BTBD8: variants seen among roughly 807,000 people sequenced by gnomAD.
BTBD8 encodes BTB/POZ domain-containing protein 8.
In BTBD8, 110 loss-of-function variants were observed where a neutral mutation model predicts 162.9. The ratio of observed to expected loss-of-function variants is 0.68; its 90% confidence interval spans 0.58 to 0.79. The LOEUF (loss-of-function observed/expected upper bound fraction) is 0.79. BTBD8 is among the 30% of genes least tolerant of loss of function. The pLI, the probability that BTBD8 is intolerant of heterozygous loss-of-function variation, is 0.00. For synonymous variants in BTBD8, 667 were observed against 716.1 expected (o/e 0.93, Z 1.10); for missense variants, 1,905 against 2,085.4 (o/e 0.91, Z 1.68).
rs577414488 is a variant in BTBD8 at position 92,107,534 on chromosome 1, C to G, written c.545-350C>G. Reference sequence around the variant, plus strand: ...GGAACAATAGGCTATACCATATAGCCTATGTGTGTAATAGGCTATATCATC... The same window carrying G: ...GGAACAATAGGCTATACCATATAGCGTATGTGTGTAATAGGCTATATCATC... On this transcript the variant is annotated intron_variant, in intron 3 of 17. Coordinates refer to ENST00000636805, the MANE Select transcript of BTBD8 (RefSeq NM_001376131.1). Among the ~76,000 whole-genome samples the G allele has an allele frequency of 6.6e-5, 10 of 152,258 alleles. No homozygotes were observed. In the South Asian group the frequency reaches 2.1e-3, roughly 32 times the overall value.
chr1:92,092,730 A>G (rs1409555908), intron 2 of BTBD8, among the ~76,000 whole-genome samples: 2 of 152,134 alleles, frequency 1.3e-5, no homozygotes, highest in Non-Finnish European at 2.9e-5. Flanking sequence ...TTTGACTTTC[A>G]TGAGAAGTCA....
intron 1 of BTBD8, among the ~76,000 whole-genome samples, chr1:92,082,791 G>A (rs12071093): frequency 0.077 from 11,745 of 152,128 alleles, 1,298 homozygotes; most frequent in African/African-American, 0.25. Flanking sequence ...TTGGGATATG[G>A]TAACAGTCAT....
At chr1:92,087,164 T>C (rs544983046) in intron 1 of BTBD8, among the ~76,000 whole-genome samples, 2 of 152,326 alleles carry the variant, frequency 1.3e-5, no homozygotes, top group South Asian at 4.1e-4. Context: ...AAACACTGTA[T>C]TTTCACATTA....
chr1:92,127,183 T>G (rs1557449060), intron 4 of BTBD8, among the ~76,000 whole-genome samples: 1 of 152,232 alleles, frequency 6.6e-6, no homozygotes, highest in South Asian at 2.1e-4. Flanking sequence ...AACCAAATCA[T>G]AGACTGCGAA....
In BTBD8 at chr1:92,183,944, G is replaced by A. The variant is rs369463469; in HGVS notation, c.4993G>A (p.Glu1665Lys). Residue 1665 changes from glutamate (E) to lysine (K), a missense_variant, in exon 18 of 18, where the codon GAG becomes AAG. Coordinates refer to ENST00000636805, the MANE Select transcript of BTBD8 (RefSeq NM_001376131.1). ...RPSKTLSPIY[E>K]MDVIEAFEQK... ...TTCAAAAACCCTGTCTCCAATATAT[G>A]AGATGGATGTAATAGAAGCATTTGA... 1.4e-4 allele frequency: 215 copies of A among 1,551,560 alleles called. 1 individual carries two copies. The African/African-American group carries it at 2.8e-3, about 20-fold the overall frequency.
At chr1:92,178,494 G>T (rs763447054) in intron 16 of BTBD8, 43 bp downstream of exon 16, 7 of 1,475,444 alleles carry the variant, frequency 4.7e-6, no homozygotes, top group Non-Finnish European at 6.4e-6. Context: ...TTATTTCCTT[G>T]TGTAAACTGG....
chr1:92,081,726 A>G (rs771302062), intron 1 of BTBD8, among the ~76,000 whole-genome samples: 4 of 152,178 alleles, frequency 2.6e-5, no homozygotes, highest in African/African-American at 4.8e-5. Flanking sequence ...GGCACGCGCC[A>G]CCACGCCCGG....
rs186411535 is a variant in BTBD8 at position 92,155,466 on chromosome 1, G to T, written c.1122+7680G>T. Among the ~76,000 whole-genome samples, 158 of 152,062 alleles carry T rather than the reference G, an allele frequency of 1.0e-3. 2 individuals carry two copies. The highest frequency in any genetic ancestry group is 1.8e-3 in the Non-Finnish European group (125 of 67,990). On this transcript the variant is annotated intron_variant, in intron 9 of 17. Transcript: ENST00000636805. ...TCTAGCTGTTTATTTATGAGACAGG[G>T]TCTTGCTCTGTTGCCCAGGCTGGAA... is the stretch of plus-strand genomic sequence containing the variant.
At chr1:92,122,479 G>T (rs967461383) in intron 4 of BTBD8, among the ~76,000 whole-genome samples, 5 of 152,054 alleles carry the variant, frequency 3.3e-5, no homozygotes, top group Non-Finnish European at 5.9e-5. Flanking sequence ...GGATGGTCTT[G>T]ATCTCTTGAC....
intron 4 of BTBD8, among the ~76,000 whole-genome samples, chr1:92,108,670 G>GA (rs769224401): frequency 6.6e-6 from 1 of 152,254 alleles, no homozygotes; most frequent in East Asian, 1.9e-4. Context: ...CTTAAAAGCA[G>GA]AAAAAAATTT....
intron 9 of BTBD8, among the ~76,000 whole-genome samples, chr1:92,148,553 GCTGTAAATCA>G (rs1649979234): frequency 6.6e-6 from 1 of 152,336 alleles, no homozygotes; most frequent in African/African-American, 2.4e-5. Context: ...TGCAATACAT[GCTGTAAATCA>G]GATTTTGATT....
At chr1:92,095,112 A>T (rs962667568) in intron 2 of BTBD8, among the ~76,000 whole-genome samples, 2 of 152,170 alleles carry the variant, frequency 1.3e-5, no homozygotes, top group African/African-American at 4.8e-5. Context: ...GAACCAGCCA[A>T]TCCTAAGTAC....
intron 3 of BTBD8, among the ~76,000 whole-genome samples, chr1:92,105,791 A>G (rs1229796438): frequency 1.3e-5 from 2 of 152,262 alleles, no homozygotes; most frequent in Admixed American, 6.5e-5. Context: ...ACTCTGCTCT[A>G]CAACTGGCCA....
In BTBD8 at chr1:92,184,425, C is replaced by A; in HGVS notation, c.*95C>A. 1.3e-6 allele frequency: 1 copy of A among 742,206 alleles called. No homozygotes were observed. The highest frequency in any genetic ancestry group is 2.1e-6 in the Non-Finnish European group (1 of 468,004). The allele number at this position is 742,206 out of a possible 1,614,324, so 46.0% of individuals were successfully genotyped here. A position where few individuals can be genotyped will look rare whatever the true frequency, so the allele number is the denominator to read the frequency against. ...ATTGCATTAGCCGGATATAAACTTT[C>A]TTTAATATTGAGTCTTTCCAATTTA... On this transcript the variant is annotated 3_prime_UTR_variant, in exon 18 of 18. Coordinates refer to ENST00000636805, the MANE Select transcript of BTBD8 (RefSeq NM_001376131.1).
chr1:92,134,670 T>C (rs890739033), intron 5 of BTBD8, among the ~76,000 whole-genome samples: 1 of 152,130 alleles, frequency 6.6e-6, no homozygotes, highest in Non-Finnish European at 1.5e-5. Flanking sequence ...ATCTTTTTAA[T>C]ATTGCCCATG....
At position 92,113,570 on chromosome 1, in the gene BTBD8, G is replaced by A. The variant is rs576872644; in HGVS notation, c.662+5569G>A. ...TGCCAAAGGCACCCATCAGAGAAGC[G>A]CCTGTTTTCTAGGGCTAGACCTGCC... On this transcript the variant is annotated intron_variant, in intron 4 of 17. Coordinates refer to ENST00000636805, the MANE Select transcript of BTBD8 (RefSeq NM_001376131.1). Among the ~76,000 whole-genome samples the A allele has an allele frequency of 1.4e-4, 22 of 152,296 alleles. No homozygotes were observed. The South Asian group carries it at 3.7e-3, about 26-fold the overall frequency.
At chr1:92,106,660 C>CCAA (rs1648736370) in intron 3 of BTBD8, among the ~76,000 whole-genome samples, 1 of 9,944 alleles carries the variant, frequency 1.0e-4, no homozygotes, top group Non-Finnish European at 1.7e-4. Flanking sequence ...GACTCTGTCT[C>CCAA]AAAAAAAAAA....
At chr1:92,107,653 G>A (rs1274190850) in intron 3 of BTBD8, among the ~76,000 whole-genome samples, 1 of 152,134 alleles carries the variant, frequency 6.6e-6, no homozygotes, top group African/African-American at 2.4e-5. Context: ...ATGCATGACT[G>A]TTATTAAGCA....
intron 4 of BTBD8, among the ~76,000 whole-genome samples, chr1:92,122,420 A>G (rs1446462501): frequency 5.3e-5 from 8 of 151,412 alleles, no homozygotes; most frequent in Admixed American, 5.3e-4. Context: ...CACCACGCCC[A>G]GCTAATTTTT....
Sources: gnomAD v4.1 joint callset for allele counts (sites outside exome capture counted in the v4.1 genomes callset) on GRCh38, gnomAD v4.1.1 for gene constraint, MANE v1.5 for transcripts, NCBI Gene and HGNC (gene_info 2026-07-23, HGNC 2026-07-21) for gene names.